Variants in CACNB4 observed in about 807,000 individuals in gnomAD.
CACNB4 encodes voltage-dependent L-type calcium channel subunit beta-4.
CACNB4 carries 32 observed loss-of-function variants against 71.2 expected under a neutral mutation model. The observed-to-expected ratio is 0.45, with a 90% confidence interval of 0.34 to 0.60. The LOEUF is 0.60. Among genes scored for constraint, CACNB4 ranks in the 20% least tolerant of loss-of-function variants. The pLI is 0.01. For synonymous variants in CACNB4, 231 were observed against 236.9 expected (o/e 0.97, Z 0.23); for missense variants, 464 against 647.9 (o/e 0.72, Z 3.08).
chr2:151,903,860 G>A (rs560468393), intron 2 of CACNB4, among the ~76,000 whole-genome samples: 3 of 152,296 alleles, frequency 2.0e-5, no homozygotes, highest in East Asian at 1.9e-4. Flanking sequence ...ACAACTGTAC[G>A]TGTGGCTATT....
chr2:151,991,795 T>C (rs905658103), intron 2 of CACNB4, among the ~76,000 whole-genome samples: 1 of 152,212 alleles, frequency 6.6e-6, no homozygotes, highest in Non-Finnish European at 1.5e-5. Flanking sequence ...TTCTAGTGAT[T>C]TGTTTATCAT....
chr2:152,012,464 C>T (rs1340491742), intron 2 of CACNB4, among the ~76,000 whole-genome samples: 2 of 151,852 alleles, frequency 1.3e-5, no homozygotes, highest in Non-Finnish European at 1.5e-5. Flanking sequence ...ATTAGCCGGG[C>T]GTGGCGGCGG....
At chr2:152,008,516 T>C (rs1579117628) in intron 2 of CACNB4, among the ~76,000 whole-genome samples, 1 of 152,060 alleles carries the variant, frequency 6.6e-6, no homozygotes, top group African/African-American at 2.4e-5. Context: ...GCCAGGCTGG[T>C]CTCGAACTCC....
At chr2:152,060,220 G>A (rs1029278898) in intron 2 of CACNB4, among the ~76,000 whole-genome samples, 1 of 152,172 alleles carries the variant, frequency 6.6e-6, no homozygotes, top group African/African-American at 2.4e-5. Context: ...AAAATGACTT[G>A]AGTTTTATTC....
In CACNB4 at chr2:151,994,640, G is replaced by A. The variant is rs370274017; in HGVS notation, c.147+103690C>T. Among the ~76,000 whole-genome samples the A allele has an allele frequency of 3.3e-5, 5 of 152,212 alleles. No individual in the cohort carries two copies. In the East Asian group the frequency reaches 7.7e-4, roughly 23 times the overall value. ...AATTCTCGTGCCTCAGCTTCCCAAG[G>A]AGCTGGGATTAGAGGCGCCTGTCCC... On this transcript the variant is annotated intron_variant, in intron 2 of 13. Transcript: ENST00000539935.
chr2:152,064,180 C>T (rs1212870446), intron 2 of CACNB4, among the ~76,000 whole-genome samples: 1 of 152,178 alleles, frequency 6.6e-6, no homozygotes, highest in East Asian at 1.9e-4. Flanking sequence ...TCTTAAAATT[C>T]ACATTGTTGA....
intron 2 of CACNB4, among the ~76,000 whole-genome samples, chr2:152,045,611 C>T (rs966205930): frequency 3.4e-4 from 22 of 64,472 alleles, no homozygotes; most frequent in African/African-American, 1.2e-3. Context: ...GATATTTTAC[C>T]ACATTTTAAA....
intron 2 of CACNB4, among the ~76,000 whole-genome samples, chr2:151,983,939 C>T (rs912236007): frequency 5.3e-5 from 8 of 152,228 alleles, no homozygotes; most frequent in African/African-American, 1.9e-4. Context: ...GAAATCCATT[C>T]TCTTTTAAAC....
rs1219940121 is a variant in CACNB4, at chr2:151,833,967, A to G, written c.*5152T>C. 6.6e-6 allele frequency: 1 copy of G among 152,124 alleles called. No individual in the cohort carries two copies. Among genetic ancestry groups the G allele is most frequent in the Non-Finnish European group, 1.5e-5 (1 of 67,944 alleles). The allele number at this position is 152,124 out of a possible 1,614,324, so 9.4% of individuals were successfully genotyped here. On this transcript the variant is annotated 3_prime_UTR_variant, in exon 14 of 14. Coordinates refer to ENST00000539935, the MANE Select transcript of CACNB4 (RefSeq NM_000726.5). ...AAATATTGTAAGGCATATGAAAAAT[A>G]GTATGCAACGATATAGCGTTAATGA...
chr2:151,969,384 T>G (rs1247485978), intron 2 of CACNB4: 2 of 152,242 alleles, frequency 1.3e-5, no homozygotes, highest in African/African-American at 4.8e-5. Flanking sequence ...GTCTGAAGTT[T>G]ATCCGCCTCC....
At chr2:151,918,000 C>T (rs1214818359) in intron 2 of CACNB4, among the ~76,000 whole-genome samples, 1 of 151,998 alleles carries the variant, frequency 6.6e-6, no homozygotes, top group Non-Finnish European at 1.5e-5. Context: ...ATCTTAACTC[C>T]CCCTCTCAAT....
At chr2:152,032,032 G>A (rs1684311116) in intron 2 of CACNB4, among the ~76,000 whole-genome samples, 1 of 152,130 alleles carries the variant, frequency 6.6e-6, no homozygotes, top group South Asian at 2.1e-4. Context: ...GAGCAACAGA[G>A]CCTTGATGAT....
chr2:151,922,786 C>T (rs750316301), intron 2 of CACNB4, among the ~76,000 whole-genome samples: 11 of 152,138 alleles, frequency 7.2e-5, no homozygotes, highest in Non-Finnish European at 1.3e-4. Flanking sequence ...CTCACAAATC[C>T]TGTTTTCATT....
At chr2:151,895,600 AT>A (rs2099851855) in intron 2 of CACNB4, among the ~76,000 whole-genome samples, 1 of 152,108 alleles carries the variant, frequency 6.6e-6, no homozygotes, top group South Asian at 2.1e-4. Context: ...TACCTTCGGA[AT>A]TTTTAAAAAC....
At chr2:151,870,026 T>C (rs1480563220) in intron 8 of CACNB4, 3 of 564,054 alleles carry the variant, frequency 5.3e-6, no homozygotes, top group African/African-American at 1.9e-5. Flanking sequence ...AGTTCACTAA[T>C]GTTTTTAGTG....
rs1348890699 is a variant in CACNB4, at chr2:151,920,312, CTTCTTCT to C, written c.148-36949_148-36943del. ...CAGTCTAGAGTCTTTTCTTCTTCTTCTTCTTCTTTTTTTTTTTTTTTTTTTTTGAGAC... is the reference window on the plus strand; with the variant it reads ...CAGTCTAGAGTCTTTTCTTCTTCTTCTTTTTTTTTTTTTTTTTTTTGAGAC... On this transcript the variant is annotated intron_variant, in intron 2 of 13. Transcript: ENST00000539935. Among the ~76,000 whole-genome samples the C allele has an allele frequency of 2.4e-4, 27 of 112,052 alleles. 1 individual carries two copies. Among genetic ancestry groups the C allele is most frequent in the African/African-American group, 5.6e-4 (16 of 28,466 alleles). 73.5% of individuals were successfully genotyped at this position (112,052 alleles called of 152,430 possible).
chr2:151,934,117 GAAT>G (rs144866359), intron 2 of CACNB4, among the ~76,000 whole-genome samples: 15,503 of 152,164 alleles, frequency 0.1, 2,562 homozygotes, highest in African/African-American at 0.35. Flanking sequence ...TTTCTAGGTT[GAAT>G]AATAAGAACT....
At chr2:151,987,434 C>T (rs1041280068) in intron 2 of CACNB4, among the ~76,000 whole-genome samples, 1 of 152,082 alleles carries the variant, frequency 6.6e-6, no homozygotes, top group Non-Finnish European at 1.5e-5. Context: ...TGGTCTCTAC[C>T]GCAGACATCA....
intron 2 of CACNB4, among the ~76,000 whole-genome samples, chr2:151,996,193 C>A (rs1005960465): frequency 2.9e-4 from 44 of 152,154 alleles, no homozygotes; most frequent in African/African-American, 9.4e-4. Flanking sequence ...TACTGGCTAG[C>A]TTGGAAACAA....
Sources: allele counts gnomAD v4.1 joint callset (sites outside exome capture counted in the v4.1 genomes callset), GRCh38; gene constraint gnomAD v4.1.1; transcripts MANE v1.5; gene names NCBI Gene and HGNC (gene_info 2026-07-23, HGNC 2026-07-21).